Variants in CSMD2 observed in about 807,000 individuals in gnomAD.
The protein encoded by CSMD2 is CUB and sushi domain-containing protein 2.
In CSMD2, 130 loss-of-function variants were observed where a neutral mutation model predicts 398.5. The ratio of observed to expected loss-of-function variants is 0.33; its 90% CI spans 0.28 to 0.38. The LOEUF (loss-of-function observed/expected upper bound fraction) is 0.38. Among genes scored for constraint, CSMD2 ranks in the 10% least tolerant of loss-of-function variants. The pLI, the probability that CSMD2 is intolerant of heterozygous loss-of-function variation, is 1.00. For synonymous variants in CSMD2, 1,828 were observed against 1,908.5 expected, an observed-to-expected ratio of 0.96 and a Z score of 1.10; for missense variants, 3,829 against 4,764.9, an observed-to-expected ratio of 0.80 and a Z score of 5.78.
chr1:33,984,581 C>T (rs1646285857), intron 3 of CSMD2, among the ~76,000 whole-genome samples: 1 of 152,118 alleles, frequency 6.6e-6, no homozygotes, highest in Non-Finnish European at 1.5e-5. Flanking sequence ...GCAGGAGTTC[C>T]AGACCAGCCT....
At chr1:33,585,396 A>C (rs1205682435) in intron 46 of CSMD2, among the ~76,000 whole-genome samples, 1 of 152,190 alleles carries the variant, frequency 6.6e-6, no homozygotes, top group Non-Finnish European at 1.5e-5. Flanking sequence ...GGTAATCAGC[A>C]CGGGGGCTGG....
At chr1:34,158,695 T>C (rs752780083) in intron 1 of CSMD2, among the ~76,000 whole-genome samples, 41 of 152,188 alleles carry the variant, frequency 2.7e-4, no homozygotes, top group Non-Finnish European at 1.3e-4. Context: ...GTATCTAACA[T>C]GTATTGAATG....
chr1:34,025,965 G>C (rs542914884), intron 3 of CSMD2, among the ~76,000 whole-genome samples: 2 of 152,192 alleles, frequency 1.3e-5, no homozygotes, highest in Admixed American at 1.3e-4. Flanking sequence ...GAACTATGAA[G>C]TTGACATATT....
chr1:33,644,996 C>G (rs975427127), intron 29 of CSMD2, among the ~76,000 whole-genome samples: 4 of 152,140 alleles, frequency 2.6e-5, no homozygotes, highest in Non-Finnish European at 5.9e-5. Context: ...TAATCAAGAA[C>G]TATGAGGAGT....
intron 1 of CSMD2, among the ~76,000 whole-genome samples, chr1:34,108,324 G>A (rs1398675844): frequency 6.6e-6 from 1 of 152,214 alleles, no homozygotes; most frequent in East Asian, 1.9e-4. Context: ...CATGGAATCA[G>A]AAAGCCTGGG....
intron 3 of CSMD2, among the ~76,000 whole-genome samples, chr1:33,965,219 T>G (rs1318622363): frequency 6.6e-6 from 1 of 152,202 alleles, no homozygotes; most frequent in Non-Finnish European, 1.5e-5. Flanking sequence ...AAGGCCCTCC[T>G]GCTTCCCACT....
chr1:33,844,588 C>A (rs886567735), intron 6 of CSMD2, among the ~76,000 whole-genome samples: 25 of 152,278 alleles, frequency 1.6e-4, no homozygotes, highest in African/African-American at 5.8e-4. Context: ...AACAGAATCA[C>A]AATAATTGAG....
intron 10 of CSMD2, among the ~76,000 whole-genome samples, chr1:33,808,335 A>C (rs1465491231): frequency 6.6e-6 from 1 of 152,072 alleles, no homozygotes; most frequent in Non-Finnish European, 1.5e-5. Context: ...TCAAGCCTAC[A>C]CAGAATCTAT....
chr1:33,532,197 AC>A (rs1655302864), intron 64 of CSMD2, among the ~76,000 whole-genome samples: 1 of 152,172 alleles, frequency 6.6e-6, no homozygotes, highest in African/African-American at 2.4e-5. Context: ...TCAGCACTTA[AC>A]CTTTCTCAGC....
intron 3 of CSMD2, among the ~76,000 whole-genome samples, chr1:34,018,578 C>A (rs1471972557): frequency 6.6e-6 from 1 of 152,224 alleles, no homozygotes; most frequent in African/African-American, 2.4e-5. Flanking sequence ...AGTTCTTCAG[C>A]CTAATTTAAT....
At chr1:33,864,021 C>T (rs746022945) in intron 5 of CSMD2, 1 of 621,810 alleles carries the variant, frequency 1.6e-6, no homozygotes, top group Non-Finnish European at 2.8e-6. Flanking sequence ...AGTTTCCCTC[C>T]TCTGACTCAA....
intron 1 of CSMD2, among the ~76,000 whole-genome samples, chr1:34,145,511 A>T (rs1203627215): frequency 6.6e-6 from 1 of 152,162 alleles, no homozygotes; most frequent in Non-Finnish European, 1.5e-5. Context: ...TAATTTTTGT[A>T]GGGTAGGTGG....
intron 13 of CSMD2, among the ~76,000 whole-genome samples, chr1:33,760,346 A>C (rs574150693): frequency 8.5e-5 from 13 of 152,330 alleles, no homozygotes; most frequent in Admixed American, 7.8e-4. Context: ...CCCAGCTCAC[A>C]GGAAAGATTC....
At chr1:33,812,961 A>G (rs1325241) in intron 9 of CSMD2, 120,625 of 152,134 alleles carry the variant, frequency 0.79, 48,845 homozygotes, top group East Asian at 0.96. Flanking sequence ...AAACAAATTA[A>G]AATAAGACAA....
rs571558475 is a variant in CSMD2, at chr1:33,549,629, C to T, written c.8917+548G>A. Among the ~76,000 whole-genome samples the T allele has an allele frequency of 2.6e-5, 4 of 152,236 alleles. No individual in the cohort carries two copies. In the East Asian group the frequency reaches 5.8e-4, roughly 22 times the overall value. ...TTAACAGGAAAAGTCTGGGGACTGG[C>T]GTTTCAAGGCAGTAGAGAAGAAGAC... On this transcript the variant is annotated intron_variant, in intron 56 of 70. Transcript: ENST00000373381.
chr1:33,820,550 T>C lies in CSMD2; in HGVS notation c.1118A>G (p.Gln373Arg). 3 of 1,129,080 alleles carry C rather than the reference T, an allele frequency of 2.7e-6. No homozygotes were observed. The highest frequency in any genetic ancestry group is 3.8e-6 in the Non-Finnish European group (3 of 783,844). The allele number at this position is 1,129,080 out of a possible 1,614,324, so 69.9% of individuals were successfully genotyped here. ...DNSQKTSVLTQVGVSQGHNMC... is the reference protein window; with the variant it reads ...DNSQKTSVLTRVGVSQGHNMC... ...ATTATGTCCTTGGGACACACCAACC[T>C]GAGTTACTACAAGGCAAAAAAAAAA... Residue 373 changes from glutamine to arginine, a missense_variant, in exon 8 of 71, where the codon CAG becomes CGG. Physicochemically the swap from Gln to Arg is conservative, Grantham distance 43 (BLOSUM62 1). This residue lies in a region of CSMD2 where 2,001 missense variants were observed against 2,567.1 expected (regional missense o/e 0.78). Coordinates refer to ENST00000373381, the MANE Select transcript of CSMD2 (RefSeq NM_001281956.2).
chr1:33,871,882 C>A (rs552890496), intron 5 of CSMD2, among the ~76,000 whole-genome samples: 23 of 152,294 alleles, frequency 1.5e-4, no homozygotes, highest in African/African-American at 5.5e-4. Flanking sequence ...GCTGGGATTA[C>A]GGCACGAGCC....
chr1:33,842,020 A>G (rs1289212127), intron 6 of CSMD2, among the ~76,000 whole-genome samples: 1 of 152,132 alleles, frequency 6.6e-6, no homozygotes, highest in South Asian at 2.1e-4. Context: ...TGCTCACTAG[A>G]TAGTCTCCCA....
At chr1:33,860,980 A>AT (rs968670431) in intron 5 of CSMD2, 1 of 152,176 alleles carries the variant, frequency 6.6e-6, no homozygotes, top group Non-Finnish European at 1.5e-5. Flanking sequence ...ACAAGTAGAA[A>AT]TTTTTTATCT....
Sources: allele counts gnomAD v4.1 joint callset (sites outside exome capture counted in the v4.1 genomes callset), GRCh38; gene constraint gnomAD v4.1.1; regional missense constraint gnomAD v4.1.1; transcripts MANE v1.5; gene names NCBI Gene and HGNC (gene_info 2026-07-23, HGNC 2026-07-21).